The following ARG2 variants were observed in gnomAD, a reference collection of about 807,000 sequenced individuals.
ARG2 encodes arginase-2, mitochondrial.
A neutral mutation model predicts 39.4 loss-of-function variants in ARG2; 21 were observed. The observed-to-expected ratio is 0.53, with a 90% CI of 0.38 to 0.77. ARG2 has a LOEUF of 0.77. ARG2 is among the 30% of genes least tolerant of loss of function. The pLI, the probability that ARG2 is intolerant of heterozygous loss-of-function variation, is 0.00. For missense variants in ARG2, 378 were observed against 426.2 expected (o/e 0.89, Z 1.00); for synonymous variants, 150 against 156.7 (o/e 0.96, Z 0.32).
intron 4 of ARG2, among the ~76,000 whole-genome samples, chr14:67,646,029 G>A (rs2037093924): frequency 6.6e-6 from 1 of 152,180 alleles, no homozygotes; most frequent in African/African-American, 2.4e-5. Context: ...TAACAATAGC[G>A]ACTGATATAC....
In ARG2 at chr14:67,647,040, C is replaced by G. The variant is rs1315845713; in HGVS notation, c.722+15C>G. The G allele has an allele frequency of 6.4e-7, 1 of 1,551,774 alleles. No individual in the cohort carries two copies. Among genetic ancestry groups the G allele is most frequent in the Admixed American group, 1.7e-5 (1 of 59,886 alleles). On this transcript the variant is annotated intron_variant, in intron 6 of 7. Transcript: ENST00000261783. The stretch of plus-strand genomic sequence containing the variant: ...CTGATTGGCAAGTAAGTAACTATAA[C>G]TGATGTCAGGGCAAACCCCCAATGG...
rs752635343 is a variant in ARG2 at position 67,648,069 on chromosome 14, A to C, written c.745A>C (p.Ser249Arg). The part of the protein sequence containing the change: ...IGKRQRPIHL[S>R]FDIDAFDPTL... ...TAGGAGACAAAGACCAATCCATTTG[A>C]GTTTTGATATTGATGCATTTGACCC... Residue 249 changes from serine to arginine, a missense_variant, in exon 7 of 8, where the codon AGT becomes CGT. Transcript: ENST00000261783. 4 of 1,613,184 alleles carry C rather than the reference A, an allele frequency of 2.5e-6. No individual in the cohort carries two copies. In the Admixed American group the frequency reaches 6.7e-5, roughly 27 times the overall value.
At position 67,646,652 on chromosome 14, in the gene ARG2, A is replaced by C; in HGVS notation, c.531A>C (p.Gln177His). 6.2e-7 allele frequency: 1 copy of C among 1,610,518 alleles called. No individual in the cohort carries two copies. Among genetic ancestry groups the C allele is most frequent in the Non-Finnish European group, 8.5e-7 (1 of 1,176,998 alleles). ...ATTTCTCCCTTTCATAGGTACCACA[A>C]CTCCCAGGATTTTCCTGGATCAAAC... ...LLRELQDKVPQLPGFSWIKPC... is the reference protein window; with the variant it reads ...LLRELQDKVPHLPGFSWIKPC... Residue 177 changes from glutamine to histidine, a missense_variant, in exon 5 of 8, where the codon CAA (glutamine) becomes CAC (histidine). Coordinates refer to ENST00000261783, the MANE Select transcript of ARG2 (RefSeq NM_001172.4).
In ARG2 at chr14:67,620,890, A is replaced by T; in HGVS notation, c.112-4A>T. On this transcript the variant is annotated splice_polypyrimidine_tract_variant and splice_region_variant and intron_variant, in intron 1 of 7. Transcript: ENST00000261783. ...TCTAATTGTGTAATTTGTGTGACTG[A>T]CAGAAAAGAAAAGGAGTGGAGCATG... The T allele has an allele frequency of 6.2e-7, 1 of 1,614,118 alleles. No individual in the cohort carries two copies. Among genetic ancestry groups the T allele is most frequent in the Non-Finnish European group, 8.5e-7 (1 of 1,179,980 alleles).
Position 67,650,941 on chromosome 14 carries a change from G to A in ARG2, c.*21G>A, listed in dbSNP as rs114217628. 3,433 of 1,608,654 alleles carry A rather than the reference G, an allele frequency of 2.1e-3. 56 individuals carry two copies. In the African/African-American group the frequency reaches 0.04, roughly 19 times the overall value. ...TTTAGGAGACACTGTGCACTGACAT[G>A]TTTCACAACAGGCATTCCAGAATTA... is the stretch of plus-strand genomic sequence containing the variant. On this transcript the variant is annotated 3_prime_UTR_variant, in exon 8 of 8. Coordinates refer to ENST00000261783, the MANE Select transcript of ARG2 (RefSeq NM_001172.4).
At chr14:67,648,001 C>T in intron 6 of ARG2, 46 bp from the exon 7 acceptor site, 1 of 1,524,332 alleles carries the variant, frequency 6.6e-7, no homozygotes, top group Non-Finnish European at 8.9e-7. Context: ...CAAGGACAAC[C>T]AGTTAAGTAT....
intron 1 of ARG2, 66 bp downstream of exon 1, chr14:67,620,154 G>A: frequency 8.2e-7 from 1 of 1,213,008 alleles, no homozygotes; most frequent in Admixed American, 2.5e-5. Flanking sequence ...AGACAGCGGC[G>A]GTAGGGTGCG....
At chr14:67,648,205 A>T (rs201696913) in intron 7 of ARG2, 22 bp downstream of exon 7, 108 of 1,607,538 alleles carry the variant, frequency 6.7e-5, no homozygotes, top group Non-Finnish European at 9.1e-5. Flanking sequence ...CCAGGTCTGC[A>T]GCCTGTTAAC....
At chr14:67,624,958 C>G (rs2036847711) in intron 2 of ARG2, among the ~76,000 whole-genome samples, 1 of 152,152 alleles carries the variant, frequency 6.6e-6, no homozygotes, top group Non-Finnish European at 1.5e-5. Flanking sequence ...CACAGTGAAA[C>G]CAGGAGGCTG....
intron 2 of ARG2, among the ~76,000 whole-genome samples, chr14:67,635,726 A>T (rs1470262502): frequency 6.6e-6 from 1 of 152,064 alleles, no homozygotes; most frequent in Non-Finnish European, 1.5e-5. Context: ...GGTGGCAGGC[A>T]CCTGTAATAC....
At chr14:67,630,236 C>T (rs568954434) in intron 2 of ARG2, among the ~76,000 whole-genome samples, 124 of 152,254 alleles carry the variant, frequency 8.1e-4, no homozygotes, top group Non-Finnish European at 1.4e-3. Flanking sequence ...GATAACAGTG[C>T]CCATGGTAAG....
intron 2 of ARG2, among the ~76,000 whole-genome samples, chr14:67,637,505 TA>T (rs751382604): frequency 1.3e-5 from 2 of 150,392 alleles, no homozygotes; most frequent in African/African-American, 2.4e-5. Flanking sequence ...TCACTCCTCT[TA>T]AAAAAAAACT....
At chr14:67,645,575 T>C in intron 3 of ARG2, 68 bp from the exon 4 acceptor site, 1 of 1,547,222 alleles carries the variant, frequency 6.5e-7, no homozygotes, top group South Asian at 1.2e-5. Context: ...TTGTTTTGGC[T>C]GAGGACGTTT....
chr14:67,620,178 C>T, intron 1 of ARG2, 90 bp downstream of exon 1: 1 of 870,858 alleles, frequency 1.1e-6, no homozygotes, highest in Non-Finnish European at 1.7e-6. Context: ...GACCGGGAGG[C>T]GAGGAGAGGA....
At position 67,621,904 on chromosome 14, in the gene ARG2, C is replaced by A. The variant is rs181192982; in HGVS notation, c.184+938C>A. 3.6e-3 allele frequency among the ~76,000 whole-genome samples: 540 copies of A among 151,908 alleles called. 3 individuals are homozygous for A. The highest frequency in any genetic ancestry group is 0.013 in the African/African-American group (519 of 41,452). On this transcript the variant is annotated intron_variant, in intron 2 of 7. Coordinates refer to ENST00000261783, the MANE Select transcript of ARG2 (RefSeq NM_001172.4). ...CTGAGGTCAGGAGTTCGAGACCAGC[C>A]TGACCAATATGGCGAAATCCCTTCT...
Position 67,648,124 on chromosome 14 carries a change from T to C in ARG2, c.800T>C (p.Val267Ala), listed in dbSNP as rs141107940. Residue 267 changes from valine to alanine, a missense_variant, in exon 7 of 8, where the codon GTT (valine) becomes GCT (alanine). Physicochemically the swap from Val to Ala is moderately conservative, Grantham distance 64. Coordinates refer to ENST00000261783, the MANE Select transcript of ARG2 (RefSeq NM_001172.4). ...CTGGCTCCAGCCACAGGAACTCCTG[T>C]TGTCGGGGGACTAACCTATCGAGAA... ...PTLAPATGTP[V>A]VGGLTYREGM... The C allele has an allele frequency of 1.6e-5, 26 of 1,613,980 alleles. No homozygotes were observed. The highest frequency in any genetic ancestry group is 5.0e-5 in the Admixed American group (3 of 60,000).
At chr14:67,634,392 A>T (rs1186893797) in intron 2 of ARG2, among the ~76,000 whole-genome samples, 1 of 151,440 alleles carries the variant, frequency 6.6e-6, no homozygotes, top group African/African-American at 2.4e-5. Context: ...CAGGAGTTCA[A>T]GACCAGCCTG....
chr14:67,628,467 T>G (rs2036889045), intron 2 of ARG2, among the ~76,000 whole-genome samples: 2 of 152,240 alleles, frequency 1.3e-5, no homozygotes, highest in Admixed American at 6.5e-5. Flanking sequence ...TGTGCCTGCA[T>G]AGAGGGAAAT....
chr14:67,624,579 CG>C (rs2036843915), intron 2 of ARG2, among the ~76,000 whole-genome samples: 2 of 152,064 alleles, frequency 1.3e-5, no homozygotes, highest in African/African-American at 2.4e-5. Flanking sequence ...CACTTTTAAC[CG>C]GATCTCATGA....
Sources: allele counts gnomAD v4.1 joint callset (sites outside exome capture counted in the v4.1 genomes callset), GRCh38; gene constraint gnomAD v4.1.1; transcripts MANE v1.5; gene names NCBI Gene and HGNC (gene_info 2026-07-23, HGNC 2026-07-21).